Variants in NRBP1 observed in about 807,000 individuals in gnomAD.
NRBP1 encodes the protein nuclear receptor-binding protein.
Under a neutral mutation model 76.0 loss-of-function variants are expected in NRBP1, and 10 were observed. That is an observed-to-expected ratio of 0.13 (90% CI 0.08 to 0.22). The LOEUF (loss-of-function observed/expected upper bound fraction) is 0.22, where lower values mean the gene tolerates loss of function less well. NRBP1 is among the 10% of genes least tolerant of loss of function. The probability of loss-of-function intolerance (pLI) is 1.00; values close to 1 mark genes in which losing one functional copy is unlikely to be tolerated. For missense variants in NRBP1, 344 were observed against 646.0 expected, an observed-to-expected ratio of 0.53 and a Z score of 5.07; for synonymous variants, 235 against 240.2, an observed-to-expected ratio of 0.98 and a Z score of 0.20.
Position 27,442,157 on chromosome 2 carries a change from G to A in NRBP1, c.*345G>A, listed in dbSNP as rs1664610384. On this transcript the variant is annotated 3_prime_UTR_variant, in exon 18 of 18. Coordinates refer to ENST00000379852, the MANE Select transcript of NRBP1 (RefSeq NM_013392.4). Reference sequence around the variant, plus strand: ...AGCCGAATTCTACAATCCCGCTGGGGCGGCCGGGGCGGGAGAGAAAGGTGG... The same window carrying A: ...AGCCGAATTCTACAATCCCGCTGGGACGGCCGGGGCGGGAGAGAAAGGTGG... 1 of 530,918 alleles carries A rather than the reference G, an allele frequency of 1.9e-6. No individual in the cohort carries two copies. Among genetic ancestry groups the A allele is most frequent in the Admixed American group, 3.8e-5 (1 of 26,372 alleles). The allele number at this position is 530,918 out of a possible 1,614,324, so 32.9% of individuals were successfully genotyped here.
chr2:27,429,098 G>A (rs913438606), intron 1 of NRBP1: 1 of 161,590 alleles, frequency 6.2e-6, no homozygotes, highest in African/African-American at 2.4e-5. Flanking sequence ...TCGGCGGCCT[G>A]GCCTGGCCTG....
intron 1 of NRBP1, among the ~76,000 whole-genome samples, chr2:27,429,000 C>T (rs1383707256): frequency 6.8e-6 from 1 of 146,250 alleles, no homozygotes; most frequent in East Asian, 2.2e-4. Context: ...CCCTGGCGTT[C>T]GCTTGGAACT....
intron 1 of NRBP1, 75 bp downstream of exon 1, chr2:27,428,806 G>C (rs1663974526): frequency 2.5e-6 from 1 of 398,054 alleles, no homozygotes; most frequent in Non-Finnish European, 4.4e-6. Context: ...TCCGAGGCCC[G>C]GGACGGTGGG....
Position 27,441,841 on chromosome 2 carries a change from G to T in NRBP1, c.*29G>T, listed in dbSNP as rs377203491. The T allele has an allele frequency of 1.4e-6, 2 of 1,410,860 alleles. No individual in the cohort carries two copies. Among genetic ancestry groups the T allele is most frequent in the African/African-American group, 1.4e-5 (1 of 70,898 alleles). 87.4% of individuals were successfully genotyped at this position (1,410,860 alleles called of 1,614,324 possible). On this transcript the variant is annotated 3_prime_UTR_variant, in exon 18 of 18. Coordinates refer to ENST00000379852, the MANE Select transcript of NRBP1 (RefSeq NM_013392.4). The stretch of plus-strand genomic sequence containing the variant: ...TCACTCGGGCCAGGCCCTGATCTGC[G>T]CTGTGGCTGTCCCTGGACGTGCTGC...
rs1572699052 is a variant in NRBP1 at position 27,442,201 on chromosome 2, G to C, written c.*389G>C. 4 of 542,078 alleles carry C rather than the reference G, an allele frequency of 7.4e-6. No individual in the cohort carries two copies. Among genetic ancestry groups the C allele is most frequent in the African/African-American group, 6.1e-5 (3 of 49,254 alleles). 33.6% of individuals were successfully genotyped at this position (542,078 alleles called of 1,614,324 possible). ...AAGGTGGTGCTGCAGTGGTGGCCCT[G>C]GGGGGCCATTCGATTCGCCTCAGTT... On this transcript the variant is annotated 3_prime_UTR_variant, in exon 18 of 18. Transcript: ENST00000379852.
At chr2:27,433,913 A>C (rs1664204633) in intron 3 of NRBP1, 76 bp from the exon 4 acceptor site, 1 of 1,593,490 alleles carries the variant, frequency 6.3e-7, no homozygotes, top group Admixed American at 1.7e-5. Context: ...GTTTCTGGGG[A>C]GGGATAGGGA....
chr2:27,441,849 T>A lies in NRBP1; in HGVS notation c.*37T>A. Reference sequence around the variant, plus strand: ...GCCAGGCCCTGATCTGCGCTGTGGCTGTCCCTGGACGTGCTGCAGCCCTCC... The same window carrying A: ...GCCAGGCCCTGATCTGCGCTGTGGCAGTCCCTGGACGTGCTGCAGCCCTCC... On this transcript the variant is annotated 3_prime_UTR_variant, in exon 18 of 18. Transcript: ENST00000379852. 5 of 1,333,336 alleles carry A rather than the reference T, an allele frequency of 3.7e-6. No individual in the cohort carries two copies. The highest frequency in any genetic ancestry group is 5.4e-6 in the Non-Finnish European group (5 of 934,370). The allele number at this position is 1,333,336 out of a possible 1,614,324, so 82.6% of individuals were successfully genotyped here. A position where few individuals can be genotyped will look rare whatever the true frequency, so the allele number is the denominator to read the frequency against.
chr2:27,436,875 C>A, intron 8 of NRBP1, 39 bp downstream of exon 8: 1 of 1,581,074 alleles, frequency 6.3e-7, no homozygotes, highest in Non-Finnish European at 8.7e-7. Flanking sequence ...CCTCATCCCC[C>A]TGCTTTTGCA....
intron 1 of NRBP1, chr2:27,432,128 C>G (rs141798035): frequency 6.6e-6 from 1 of 152,206 alleles, no homozygotes; most frequent in African/African-American, 2.4e-5. Context: ...GGATTAAAGG[C>G]GTGAGCCACT....
intron 10 of NRBP1, among the ~76,000 whole-genome samples, chr2:27,439,518 AAAAG>A (rs1558338828): frequency 6.6e-6 from 1 of 152,150 alleles, no homozygotes. Context: ...TGAACATTAA[AAAAG>A]AAAGCTTGTG....
At chr2:27,440,276 T>A in intron 11 of NRBP1, 127 bp from the exon 12 acceptor site, 1 of 709,962 alleles carries the variant, frequency 1.4e-6, no homozygotes, top group Admixed American at 2.4e-5. Context: ...CCCAAAGTGC[T>A]GGGATTACAG....
intron 10 of NRBP1, among the ~76,000 whole-genome samples, chr2:27,438,281 T>C (rs1317743091): frequency 1.3e-5 from 2 of 152,244 alleles, no homozygotes; most frequent in Non-Finnish European, 2.9e-5. Context: ...CAGCCATTTT[T>C]ATATTTTTAA....
At chr2:27,429,640 G>T (rs1388008349) in intron 1 of NRBP1, among the ~76,000 whole-genome samples, 2 of 152,122 alleles carry the variant, frequency 1.3e-5, no homozygotes, top group African/African-American at 2.4e-5. Flanking sequence ...TCATCAATAG[G>T]AGTAGTGCTG....
Position 27,436,772 on chromosome 2 carries a change from C to T in NRBP1, c.681C>T (p.Asn227=). 1.2e-6 allele frequency: 2 copies of T among 1,614,050 alleles called. No homozygotes were observed. Among genetic ancestry groups the T allele is most frequent in the Non-Finnish European group, 1.7e-6 (2 of 1,179,954 alleles). Residue 227 remains asparagine (N), a synonymous_variant, in exon 8 of 18, where the codon AAC becomes AAT. Coordinates refer to ENST00000379852, the MANE Select transcript of NRBP1 (RefSeq NM_013392.4). ...TCCCAGTGGCTCCTGACACTATCAA[C>T]AATCATGTGAAGACTTGTCGAGAAG... The part of the protein sequence containing the change: ...KIGSVAPDTI[N]NHVKTCREEQ...
chr2:27,436,823 A>T lies in NRBP1; in HGVS notation c.732A>T (p.Ala244=). The change falls in exon 8 of 18, where the codon GCA becomes GCT. Residue 244 remains alanine, a synonymous_variant. Transcript: ENST00000379852. ...AGCAGAAGAATCTACACTTCTTTGC[A>T]CCAGAGTATGGAGGTGAGCCTTCCT... ...REEQKNLHFF[A]PEYGEVTNVT... is the part of the protein sequence containing the mutation. 1 of 1,614,104 alleles carries T rather than the reference A, an allele frequency of 6.2e-7. No homozygotes were observed. Among genetic ancestry groups the T allele is most frequent in the Non-Finnish European group, 8.5e-7 (1 of 1,179,942 alleles).
Position 27,437,124 on chromosome 2 carries a change from AG to A in NRBP1, c.804+25del. On this transcript the variant is annotated intron_variant, in intron 9 of 17. Coordinates refer to ENST00000379852, the MANE Select transcript of NRBP1 (RefSeq NM_013392.4). Reference sequence around the variant, plus strand: ...ACTGGAGGTGAGGGGACTGGAGGGGAGGGGGGAAAGGGGTCAGATGAGAAGA... The same window carrying A: ...ACTGGAGGTGAGGGGACTGGAGGGGAGGGGGAAAGGGGTCAGATGAGAAGA... The A allele has an allele frequency of 8.5e-6, 13 of 1,532,124 alleles. No homozygotes were observed. Among genetic ancestry groups the A allele is most frequent in the East Asian group, 4.5e-5 (2 of 44,382 alleles). The allele number at this position is 1,532,124 out of a possible 1,614,324, so 94.9% of individuals were successfully genotyped here.
chr2:27,440,423 C>T lies in NRBP1; in HGVS notation c.1057C>T (p.Leu353=). 6.2e-7 allele frequency: 1 copy of T among 1,613,298 alleles called. No homozygotes were observed. Among genetic ancestry groups the T allele is most frequent in the East Asian group, 2.2e-5 (1 of 44,870 alleles). The change falls in exon 12 of 18, where the codon CTA becomes TTA. Residue 353 remains leucine (L), a synonymous_variant. Coordinates refer to ENST00000379852, the MANE Select transcript of NRBP1 (RefSeq NM_013392.4). ...GHQHMIPENA[L]EEITKNMDTS... is the part of the protein sequence containing the mutation. ...TCCAGACATGATCCCAGAGAACGCTCTAGAGGAGATCACCAAAAACATGGA... is the reference window on the plus strand; with the variant it reads ...TCCAGACATGATCCCAGAGAACGCTTTAGAGGAGATCACCAAAAACATGGA...
rs1334362203 is a variant in NRBP1, at chr2:27,440,387, C to G, written c.1037-16C>G. Reference sequence around the variant, plus strand: ...GACTATCCCTTCATAATATCCCACTCCATCATGCCCTCCAGACATGATCCC... The same window carrying G: ...GACTATCCCTTCATAATATCCCACTGCATCATGCCCTCCAGACATGATCCC... On this transcript the variant is annotated splice_polypyrimidine_tract_variant and intron_variant, in intron 11 of 17. Coordinates refer to ENST00000379852, the MANE Select transcript of NRBP1 (RefSeq NM_013392.4). 6.6e-7 allele frequency: 1 copy of G among 1,515,378 alleles called. No individual in the cohort carries two copies. The highest frequency in any genetic ancestry group is 1.1e-5 in the South Asian group (1 of 89,060). 93.9% of individuals were successfully genotyped at this position (1,515,378 alleles called of 1,614,324 possible).
At chr2:27,434,881 C>T in intron 6 of NRBP1, 119 bp downstream of exon 6, 1 of 1,098,614 alleles carries the variant, frequency 9.1e-7, no homozygotes, top group Non-Finnish European at 1.4e-6. Flanking sequence ...GAATCATATA[C>T]TGTCAAGATT....
Sources: allele counts gnomAD v4.1 joint callset (sites outside exome capture counted in the v4.1 genomes callset), GRCh38; gene constraint gnomAD v4.1.1; transcripts MANE v1.5; gene names NCBI Gene and HGNC (gene_info 2026-07-23, HGNC 2026-07-21).